Variants in FAT3 observed in about 807,000 individuals in gnomAD.
FAT3 encodes the protein FAT atypical cadherin 3, also known as protocadherin Fat 3.
FAT3 carries 95 observed loss-of-function variants against 310.2 expected under a neutral mutation model. The ratio of observed to expected loss-of-function variants is 0.31; its 90% CI spans 0.26 to 0.36. The LOEUF is 0.36. FAT3 is among the 10% of genes least tolerant of loss of function. The pLI is 1.00. For missense variants in FAT3, 5,408 were observed against 5,715.6 expected (o/e 0.95, Z 1.74); for synonymous variants, 2,314 against 2,192.9 (o/e 1.06, Z -1.54).
Position 92,831,638 on chromosome 11 carries a change from C to A in FAT3, c.9498C>A (p.Val3166=). Residue 3166 remains valine (V), a synonymous_variant, in exon 14 of 28, where the codon GTC becomes GTA. Coordinates refer to ENST00000525166, the MANE Select transcript of FAT3 (RefSeq NM_001367949.2). ...VDPDIGINRK[V]VYSLADSAGG... is the part of the protein sequence containing the mutation. ...CTCCCACAGGCATCAATAGGAAGGTCGTGTACTCCCTGGCAGACTCAGCTG... is the reference window on the plus strand; with the variant it reads ...CTCCCACAGGCATCAATAGGAAGGTAGTGTACTCCCTGGCAGACTCAGCTG... The A allele has an allele frequency of 1.2e-6, 2 of 1,612,064 alleles. No individual in the cohort carries two copies. The highest frequency in any genetic ancestry group is 1.1e-5 in the South Asian group (1 of 90,574).
intron 4 of FAT3, among the ~76,000 whole-genome samples, chr11:92,698,185 G>A (rs374973293): frequency 2.0e-5 from 3 of 152,060 alleles, no homozygotes; most frequent in East Asian, 1.9e-4. Flanking sequence ...ATGTGTCTAC[G>A]CTTCTAAAAT....
chr11:92,245,976 C>T (rs376567279), intron 1 of FAT3, among the ~76,000 whole-genome samples: 2 of 152,002 alleles, frequency 1.3e-5, no homozygotes, highest in East Asian at 1.9e-4. Context: ...TGAAAGCATG[C>T]GTCACTCTCA....
intron 4 of FAT3, among the ~76,000 whole-genome samples, chr11:92,736,627 G>T (rs1465417139): frequency 6.6e-6 from 1 of 152,132 alleles, no homozygotes; most frequent in East Asian, 1.9e-4. Context: ...CAGGCCATTA[G>T]CATTGTCCTT....
intron 22 of FAT3, among the ~76,000 whole-genome samples, chr11:92,871,985 A>C (rs1265800328): frequency 6.6e-6 from 1 of 152,122 alleles, no homozygotes; most frequent in East Asian, 1.9e-4. Flanking sequence ...AATTAGTATA[A>C]AGGTGGAGCT....
intron 3 of FAT3, among the ~76,000 whole-genome samples, chr11:92,686,379 T>C (rs780860780): frequency 6.6e-6 from 1 of 152,186 alleles, no homozygotes; most frequent in Non-Finnish European, 1.5e-5. Flanking sequence ...ATCAAAATGG[T>C]GGTTGTTAAA....
chr11:92,531,120 G>A (rs1247486401), intron 3 of FAT3, among the ~76,000 whole-genome samples: 1 of 152,206 alleles, frequency 6.6e-6, no homozygotes, highest in Non-Finnish European at 1.5e-5. Context: ...TAGCGAATGA[G>A]TATGTGTGAA....
chr11:92,501,205 C>G (rs1182517576), intron 2 of FAT3, among the ~76,000 whole-genome samples: 1 of 152,130 alleles, frequency 6.6e-6, no homozygotes, highest in African/African-American at 2.4e-5. Flanking sequence ...AAGTCTTCAG[C>G]TGGGGGTATT....
chr11:92,477,645 T>C (rs1213799822), intron 2 of FAT3, among the ~76,000 whole-genome samples: 1 of 152,240 alleles, frequency 6.6e-6, no homozygotes. Context: ...GGCTTGAGTG[T>C]GAGCTTCTCA....
intron 2 of FAT3, among the ~76,000 whole-genome samples, chr11:92,382,527 C>T (rs1037502544): frequency 1.3e-5 from 2 of 152,094 alleles, no homozygotes; most frequent in African/African-American, 4.8e-5. Context: ...GTAAGAGGGA[C>T]CCCTAAAGGT....
At chr11:92,870,525 G>A (rs1949359808) in intron 22 of FAT3, among the ~76,000 whole-genome samples, 1 of 152,122 alleles carries the variant, frequency 6.6e-6, no homozygotes, top group Admixed American at 6.5e-5. Context: ...CTGTGGAGAA[G>A]CCATGACTAG....
chr11:92,890,641 T>C lies in FAT3; in HGVS notation c.13298T>C (p.Ile4433Thr), dbSNP rs1949896686. The C allele has an allele frequency of 1.2e-6, 2 of 1,613,570 alleles. No individual in the cohort carries two copies. The highest frequency in any genetic ancestry group is 2.2e-5 in the East Asian group (1 of 44,858). ...ESDYYLGGYD[I>T]DSEYPPPHEE... Reference sequence around the variant, plus strand: ...GATTACTACCTGGGTGGTTATGACATTGACAGTGAATACCCACCCCCTCAT... The same window carrying C: ...GATTACTACCTGGGTGGTTATGACACTGACAGTGAATACCCACCCCCTCAT... Residue 4433 changes from isoleucine to threonine, a missense_variant, in exon 28 of 28, where the codon ATT becomes ACT. Transcript: ENST00000525166.
intron 1 of FAT3, among the ~76,000 whole-genome samples, chr11:92,298,085 C>G (rs530141531): frequency 3.3e-5 from 5 of 152,076 alleles, no homozygotes; most frequent in East Asian, 3.9e-4. Context: ...GATTGACAGC[C>G]CAGCTGGTGG....
intron 3 of FAT3, among the ~76,000 whole-genome samples, chr11:92,688,921 T>A (rs1259276064): frequency 1.3e-5 from 2 of 152,312 alleles, no homozygotes; most frequent in Non-Finnish European, 1.5e-5. Context: ...AGAGTGAGTA[T>A]TAAATGTTTT....
At chr11:92,341,061 G>C (rs1276853419) in intron 1 of FAT3, among the ~76,000 whole-genome samples, 1 of 152,138 alleles carries the variant, frequency 6.6e-6, no homozygotes, top group Non-Finnish European at 1.5e-5. Flanking sequence ...GTCACATCTG[G>C]TCTATTTGTG....
At chr11:92,566,026 G>A (rs1211082338) in intron 3 of FAT3, among the ~76,000 whole-genome samples, 2 of 152,210 alleles carry the variant, frequency 1.3e-5, no homozygotes, top group African/African-American at 2.4e-5. Context: ...AGTCTTGGAA[G>A]TTCTGGCTAG....
At chr11:92,332,530 G>A (rs1333385016) in intron 1 of FAT3, among the ~76,000 whole-genome samples, 1 of 152,024 alleles carries the variant, frequency 6.6e-6, no homozygotes, top group East Asian at 1.9e-4. Flanking sequence ...TTGAAGACAT[G>A]GTTTTTGGGT....
In FAT3 at chr11:92,805,354, G is replaced by A. The variant is rs1427350128; in HGVS notation, c.9093+5G>A. On this transcript the variant is annotated splice_donor_5th_base_variant and intron_variant, in intron 11 of 27. Coordinates refer to ENST00000525166, the MANE Select transcript of FAT3 (RefSeq NM_001367949.2). ...AATAGCCCAGTGTGTGATCAGGTGA[G>A]ATTTGGGGATAGGGTTCTGCTTTTA... The A allele has an allele frequency of 6.2e-7, 1 of 1,610,368 alleles. No homozygotes were observed. Among genetic ancestry groups the A allele is most frequent in the South Asian group, 1.1e-5 (1 of 90,554 alleles).
chr11:92,366,576 G>T (rs1949028698), intron 2 of FAT3: 2 of 517,232 alleles, frequency 3.9e-6, no homozygotes, highest in South Asian at 2.9e-5. Context: ...GCGCCTGATG[G>T]GCTTCAAGTC....
intron 13 of FAT3, among the ~76,000 whole-genome samples, chr11:92,831,257 G>T: frequency 6.6e-6 from 1 of 152,144 alleles, no homozygotes; most frequent in East Asian, 1.9e-4. Flanking sequence ...CTGTGTTGAA[G>T]TAATTAATTA....
Sources: gnomAD v4.1 joint callset for allele counts (sites outside exome capture counted in the v4.1 genomes callset) on GRCh38, gnomAD v4.1.1 for gene constraint, MANE v1.5 for transcripts, NCBI Gene and HGNC (gene_info 2026-07-23, HGNC 2026-07-21) for gene names.